CARD9: variants seen among roughly 807,000 people sequenced by gnomAD.
CARD9 encodes the protein caspase recruitment domain family member 9, also known as caspase recruitment domain-containing protein 9.
Under a neutral mutation model 66.0 loss-of-function variants are expected in CARD9, and 53 were observed. The observed-to-expected ratio is 0.80, with a 90% CI of 0.64 to 1.01. The LOEUF is 1.01. CARD9 is among the 50% of genes least tolerant of loss of function. The pLI, the probability that CARD9 is intolerant of heterozygous loss-of-function variation, is 0.00. For synonymous variants in CARD9, 387 were observed against 313.8 expected (o/e 1.23, Z -2.47); for missense variants, 769 against 743.2 (o/e 1.03, Z -0.40).
In CARD9 at chr9:136,369,852, G is replaced by A. The variant is rs769988935; in HGVS notation, c.975C>T (p.Phe325=). The change falls in exon 7 of 13, where the codon TTC becomes TTT. Residue 325 remains phenylalanine (F), a synonymous_variant. Coordinates refer to ENST00000371732, the MANE Select transcript of CARD9 (RefSeq NM_052813.5). ...RLRCMEEKEM[F]ELQCLALRKD... is the part of the protein sequence containing the mutation. ...TACGTAGTGCCAGGCACTGCAGCTCGAACATCTCCTTCTCCTCCATGCACT... is the reference window on the plus strand; with the variant it reads ...TACGTAGTGCCAGGCACTGCAGCTCAAACATCTCCTTCTCCTCCATGCACT... The A allele has an allele frequency of 2.7e-5, 44 of 1,612,580 alleles. No homozygotes were observed. Among genetic ancestry groups the A allele is most frequent in the Admixed American group, 2.2e-4 (13 of 59,996 alleles).
Position 136,363,995 on chromosome 9 carries a change from T to C in CARD9, c.*307A>G. On this transcript the variant is annotated 3_prime_UTR_variant, in exon 13 of 13. Coordinates refer to ENST00000371732, the MANE Select transcript of CARD9 (RefSeq NM_052813.5). ...GCTGTTTATTTACGCAGCTGTGTTT[T>C]CTAACACTAATACAATGCATGCATG... is the stretch of plus-strand genomic sequence containing the variant. 7.9e-7 allele frequency: 1 copy of C among 1,270,664 alleles called. No individual in the cohort carries two copies. Among genetic ancestry groups the C allele is most frequent in the African/African-American group, 1.5e-5 (1 of 67,742 alleles). 78.7% of individuals were successfully genotyped at this position (1,270,664 alleles called of 1,614,324 possible).
In CARD9 at chr9:136,367,692, T is replaced by C; in HGVS notation, c.1214A>G (p.Gln405Arg). Residue 405 changes from glutamine to arginine, a missense_variant, in exon 8 of 13, where the codon CAG (glutamine) becomes CGG (arginine). Physicochemically the swap from Gln to Arg is conservative, Grantham distance 43 (BLOSUM62 1). Coordinates refer to ENST00000371732, the MANE Select transcript of CARD9 (RefSeq NM_052813.5). The part of the protein sequence containing the change: ...LQLQVFQCEA[Q>R]LLAVEGRLRR... ...GAGCCTGCCCTCCACGGCCAGTAGC[T>C]GCGCCTCACACTGGAACACCTGCAG... 6.2e-7 allele frequency: 1 copy of C among 1,601,862 alleles called. No homozygotes were observed. Among genetic ancestry groups the C allele is most frequent in the Non-Finnish European group, 8.5e-7 (1 of 1,178,696 alleles).
chr9:136,364,362 C>A lies in CARD9; in HGVS notation c.1551G>T (p.Gln517His), dbSNP rs77469895. The change falls in exon 13 of 13, where the codon CAG becomes CAT. Residue 517 changes from glutamine (Q) to histidine (H), a missense_variant. Gln to His is a conservative substitution (Grantham distance 24). Transcript: ENST00000371732. ...ALRKMQKGWR[Q>H]GEEDRENTTG... ...TGGTGTTCTCCCGGTCCTCCTCCCC[C>A]TGCCGCCATCCTTTCTGCATCTTCC... 6 of 1,569,452 alleles carry A rather than the reference C, an allele frequency of 3.8e-6. No homozygotes were observed. The East Asian group carries it at 1.4e-4, about 37-fold the overall frequency.
intron 7 of CARD9, among the ~76,000 whole-genome samples, chr9:136,369,031 G>A (rs1161981909): frequency 6.6e-6 from 1 of 152,148 alleles, no homozygotes; most frequent in Non-Finnish European, 1.5e-5. Context: ...TACTGGCCAG[G>A]CTGGTCTCGA....
intron 6 of CARD9, 26 bp from the exon 7 acceptor site, chr9:136,369,901 C>T (rs1486409299): frequency 6.2e-7 from 1 of 1,609,296 alleles, no homozygotes; most frequent in African/African-American, 1.3e-5. Context: ...GCTCAGCCCC[C>T]ACAGGCCTGA....
intron 7 of CARD9, 35 bp downstream of exon 7, chr9:136,369,715 G>A (rs1360474863): frequency 6.4e-7 from 1 of 1,567,184 alleles, no homozygotes; most frequent in East Asian, 2.3e-5. Flanking sequence ...CCACCCGCGA[G>A]TGGGGTGCTT....
chr9:136,367,436 AC>A, intron 8 of CARD9, 179 bp from the exon 9 acceptor site: 2 of 927,324 alleles, frequency 2.2e-6, no homozygotes, highest in Non-Finnish European at 1.6e-6. Context: ...CCCAGGACCC[AC>A]CCCGGCCCTG....
Position 136,371,221 on chromosome 9 carries a change from G to A in CARD9, c.323-76C>T. 1.9e-6 allele frequency: 3 copies of A among 1,590,904 alleles called. No homozygotes were observed. In the Admixed American group the frequency reaches 5.3e-5, roughly 28 times the overall value. ...TCCATCACGCCCTGCGCTGTGGCAG[G>A]AGCTCAGGGCTCCTAGGGATGGGGG... is the stretch of plus-strand genomic sequence containing the variant. On this transcript the variant is annotated intron_variant, in intron 3 of 12. Coordinates refer to ENST00000371732, the MANE Select transcript of CARD9 (RefSeq NM_052813.5).
At position 136,369,639 on chromosome 9, in the gene CARD9, A is replaced by G. The variant is rs1588723721; in HGVS notation, c.1077+111T>C. ...GGGTGACATAGCAAGACCCCATCTC[A>G]AAAACAAATAACAAAGATTAAAAAT... On this transcript the variant is annotated intron_variant, in intron 7 of 12. Transcript: ENST00000371732. The G allele has an allele frequency of 2.6e-6, 4 of 1,522,094 alleles. No individual in the cohort carries two copies. The East Asian group carries it at 9.9e-5, about 38-fold the overall frequency. 94.3% of individuals were successfully genotyped at this position (1,522,094 alleles called of 1,614,324 possible).
In CARD9 at chr9:136,367,208, T is replaced by G; in HGVS notation, c.1311+8A>C. On this transcript the variant is annotated splice_region_variant and intron_variant, in intron 9 of 12. Coordinates refer to ENST00000371732, the MANE Select transcript of CARD9 (RefSeq NM_052813.5). Reference sequence around the variant, plus strand: ...GGCCAGCCTCGTGCTGGCTGGGGTCTCACTCACCTCCTGGGACCTCCTGGG... The same window carrying G: ...GGCCAGCCTCGTGCTGGCTGGGGTCGCACTCACCTCCTGGGACCTCCTGGG... The G allele has an allele frequency of 6.2e-7, 1 of 1,612,078 alleles. No individual in the cohort carries two copies. The highest frequency in any genetic ancestry group is 8.5e-7 in the Non-Finnish European group (1 of 1,179,576).
chr9:136,367,080 C>T, intron 9 of CARD9, 136 bp downstream of exon 9: 9 of 1,150,190 alleles, frequency 7.8e-6, no homozygotes, highest in Non-Finnish European at 8.8e-6. Flanking sequence ...CATTTGGCCA[C>T]CTGCTCTTCC....
chr9:136,368,969 G>A (rs1028643607), intron 7 of CARD9, among the ~76,000 whole-genome samples: 11 of 152,124 alleles, frequency 7.2e-5, no homozygotes, highest in African/African-American at 2.7e-4. Context: ...ACAGGCGCCC[G>A]GAACCACACC....
chr9:136,370,305 G>C lies in CARD9; in HGVS notation c.940C>G (p.Arg314Gly). 3.1e-6 allele frequency: 5 copies of C among 1,604,476 alleles called. No homozygotes were observed. The highest frequency in any genetic ancestry group is 4.2e-6 in the Non-Finnish European group (5 of 1,178,938). Residue 314 changes from arginine (R) to glycine (G), a missense_variant, in exon 6 of 13, where the codon CGA becomes GGA. By Grantham distance (125) the Arg-to-Gly change is moderately radical. Coordinates refer to ENST00000371732, the MANE Select transcript of CARD9 (RefSeq NM_052813.5). ...LRKDLRQGEA[R>G]RLRCMEEKEM... ...GCCTGCCCTCCTACCCGGAGGCGTC[G>C]GGCCTCGCCCTGGCGGAGGTCCTTG...
chr9:136,368,914 G>A (rs187637364), intron 7 of CARD9, among the ~76,000 whole-genome samples: 2 of 152,234 alleles, frequency 1.3e-5, no homozygotes, highest in East Asian at 1.9e-4. Flanking sequence ...CTGCCTCCTG[G>A]GTTCAAGCAA....
chr9:136,369,974 C>T, intron 6 of CARD9, 99 bp from the exon 7 acceptor site: 1 of 1,575,488 alleles, frequency 6.3e-7, no homozygotes, highest in South Asian at 1.1e-5. Context: ...GTGGTCAGGC[C>T]AGTTGGGATG....
chr9:136,369,931 T>TG (rs1163146862), intron 6 of CARD9, 56 bp from the exon 7 acceptor site: 21 of 1,603,582 alleles, frequency 1.3e-5, no homozygotes, highest in Non-Finnish European at 1.8e-5. Flanking sequence ...TTCTGGCCCT[T>TG]GGGGTATACT....
At chr9:136,367,122 T>C (rs559614468) in intron 9 of CARD9, 94 bp downstream of exon 9, 10 of 1,399,848 alleles carry the variant, frequency 7.1e-6, no homozygotes, top group Middle Eastern at 1.8e-4. Context: ...AGCAGGGCCA[T>C]GTGACGGGCA....
In CARD9 at chr9:136,370,744, G is replaced by A. The variant is rs557252130; in HGVS notation, c.628-43C>T. ...AGCCTGGCTGTCCCCTCCAGGCGGT[G>A]ACCGCAGACCCGTGGGGCCACCCCC... On this transcript the variant is annotated intron_variant, in intron 4 of 12. Transcript: ENST00000371732. 7.6e-5 allele frequency: 122 copies of A among 1,611,824 alleles called. No homozygotes were observed. In the South Asian group the frequency reaches 1.2e-3, roughly 16 times the overall value.
At chr9:136,371,858 TGGGTTTGG>T (rs987123852) in intron 2 of CARD9, 29 bp downstream of exon 2, 2 of 1,565,608 alleles carry the variant, frequency 1.3e-6, no homozygotes, top group African/African-American at 1.3e-5. Context: ...ACTCTGTGGT[TGGGTTTGG>T]GGCCTGGGGC....
Sources: gnomAD v4.1 joint callset for allele counts (sites outside exome capture counted in the v4.1 genomes callset) on GRCh38, gnomAD v4.1.1 for gene constraint, MANE v1.5 for transcripts, NCBI Gene and HGNC (gene_info 2026-07-23, HGNC 2026-07-21) for gene names.